The following ADGRF5 variants were observed in gnomAD, a reference collection of about 807,000 sequenced individuals.
ADGRF5 encodes adhesion G protein-coupled receptor F5.
A neutral mutation model predicts 132.3 loss-of-function variants in ADGRF5; 75 were observed. The observed-to-expected ratio is 0.57, with a 90% CI of 0.47 to 0.69. ADGRF5 has a LOEUF of 0.69. ADGRF5 is among the 30% of genes least tolerant of loss of function. ADGRF5 has a pLI of 0.00. For missense variants in ADGRF5, 1,516 were observed against 1,630.6 expected, an observed-to-expected ratio of 0.93 and a Z score of 1.21; for synonymous variants, 629 against 597.6, an observed-to-expected ratio of 1.05 and a Z score of -0.77.
At chr6:46,919,245 G>A (rs1159453743) in intron 1 of ADGRF5, among the ~76,000 whole-genome samples, 1 of 152,088 alleles carries the variant, frequency 6.6e-6, no homozygotes, top group African/African-American at 2.4e-5. Context: ...TAAAAAAAAT[G>A]GGGCTGCAAA....
At chr6:46,906,885 A>T in intron 1 of ADGRF5, 99 bp from the exon 2 acceptor site, 1 of 676,320 alleles carries the variant, frequency 1.5e-6, no homozygotes, top group Non-Finnish European at 2.7e-6. Context: ...CCTACACAAG[A>T]ACTTTTCAAA....
At position 46,852,749 on chromosome 6, in the gene ADGRF5, A is replaced by C. The variant is rs558695935; in HGVS notation, c.*1243T>G. The C allele has an allele frequency of 1.0e-3, 156 of 151,442 alleles. 1 individual carries two copies. Among genetic ancestry groups the C allele is most frequent in the African/African-American group, 3.7e-3 (150 of 40,730 alleles). 9.4% of individuals were successfully genotyped at this position (151,442 alleles called of 1,614,324 possible). On this transcript the variant is annotated 3_prime_UTR_variant, in exon 21 of 21. Coordinates refer to ENST00000283296, the MANE Select transcript of ADGRF5 (RefSeq NM_001098518.2). ...AGGAGCACAGAACAACCGAATGTAA[A>C]ATTTCTTTCCAGGAGCTTTCCACGT...
intron 2 of ADGRF5, among the ~76,000 whole-genome samples, chr6:46,901,824 G>A (rs1267345827): frequency 6.6e-6 from 1 of 152,042 alleles, no homozygotes; most frequent in Non-Finnish European, 1.5e-5. Context: ...CCTTTCCAGT[G>A]AACAGTTCCC....
chr6:46,876,452 G>C (rs1006007077), intron 10 of ADGRF5, among the ~76,000 whole-genome samples: 15 of 152,178 alleles, frequency 9.9e-5, no homozygotes. Flanking sequence ...TTAGAAATCA[G>C]GGAAGTGACT....
chr6:46,876,186 C>G (rs1295103247), intron 10 of ADGRF5, among the ~76,000 whole-genome samples: 2 of 152,324 alleles, frequency 1.3e-5, no homozygotes, highest in South Asian at 4.1e-4. Context: ...GGGCAGGGTG[C>G]CAAGGCAGAG....
In ADGRF5 at chr6:46,865,034, G is replaced by T. The variant is rs559616732; in HGVS notation, c.1990+8C>A. 3 of 1,580,622 alleles carry T rather than the reference G, an allele frequency of 1.9e-6. No individual in the cohort carries two copies. The highest frequency in any genetic ancestry group is 1.7e-4 in the Middle Eastern group (1 of 5,934). On this transcript the variant is annotated splice_region_variant and intron_variant, in intron 14 of 20. Transcript: ENST00000283296. ...ATAACATCTTAAAGTAATTTAAAAC[G>T]TTCTTACCAGGAACCAGATTCAGCT...
At chr6:46,865,601 T>G (rs1182064315) in intron 13 of ADGRF5, among the ~76,000 whole-genome samples, 1 of 152,260 alleles carries the variant, frequency 6.6e-6, no homozygotes, top group East Asian at 1.9e-4. Flanking sequence ...CTTGTCTTAT[T>G]TATCTTTCCA....
chr6:46,926,065 T>C (rs1777228758), upstream of ADGRF5, among the ~76,000 whole-genome samples: 1 of 152,188 alleles, frequency 6.6e-6, no homozygotes, highest in South Asian at 2.1e-4. Context: ...TGGCAAATAA[T>C]CGGGCAGTTT....
Position 46,862,960 on chromosome 6 carries a change from T to C in ADGRF5, c.2127A>G (p.Val709=). Residue 709 remains valine (V), a synonymous_variant, in exon 15 of 21, where the codon GTA becomes GTG. Transcript: ENST00000283296. ...PIGGTITYKC[V]GSQWEEKRND... ...TTCTCTTCTCCTCCCACTGGGAGCC[T>C]ACACATTTGTAAGTGATGGTCCCGC... 6.2e-7 allele frequency: 1 copy of C among 1,613,418 alleles called. No homozygotes were observed. Among genetic ancestry groups the C allele is most frequent in the Non-Finnish European group, 8.5e-7 (1 of 1,179,562 alleles).
chr6:46,882,628 C>T (rs1021068756), intron 6 of ADGRF5, among the ~76,000 whole-genome samples: 1 of 152,186 alleles, frequency 6.6e-6, no homozygotes, highest in South Asian at 2.1e-4. Flanking sequence ...CTCATGGCTG[C>T]CATACTGCAG....
At chr6:46,868,752 T>C (rs778754297) in intron 12 of ADGRF5, 131 bp downstream of exon 12, 2 of 640,234 alleles carry the variant, frequency 3.1e-6, no homozygotes, top group Admixed American at 2.6e-5. Flanking sequence ...TTGCGTTAAG[T>C]GTGAAGACAT....
chr6:46,899,480 C>T (rs62401769), intron 3 of ADGRF5, among the ~76,000 whole-genome samples: 3,641 of 152,108 alleles, frequency 0.024, 73 homozygotes, highest in Non-Finnish European at 0.04. Context: ...ATTTGAGGGT[C>T]GGTGTTTCAG....
At chr6:46,944,968 G>A (rs1397948927) in intron 1 of ADGRF5, among the ~76,000 whole-genome samples, 2 of 152,202 alleles carry the variant, frequency 1.3e-5, no homozygotes, top group Non-Finnish European at 2.9e-5. Flanking sequence ...AGACAGGTCA[G>A]TAAATCAATC....
At chr6:46,927,266 A>G (rs1777298853) in intron 1 of ADGRF5, among the ~76,000 whole-genome samples, 1 of 148,978 alleles carries the variant, frequency 6.7e-6, no homozygotes, top group Non-Finnish European at 1.5e-5. Flanking sequence ...CCAGGAGAAA[A>G]TCAGAATAAA....
chr6:46,920,551 T>G, intron 1 of ADGRF5, among the ~76,000 whole-genome samples: 40 of 130,740 alleles, frequency 3.1e-4, no homozygotes, highest in African/African-American at 3.3e-4. Flanking sequence ...GAGTGTATAT[T>G]GGGGGTGCAA....
At chr6:46,920,818 G>A (rs1319960117) in intron 1 of ADGRF5, among the ~76,000 whole-genome samples, 4 of 151,976 alleles carry the variant, frequency 2.6e-5, no homozygotes, top group South Asian at 2.1e-4. Context: ...AACCAAGATC[G>A]TGCCACTGCA....
Position 46,858,265 on chromosome 6 carries a change from C to T in ADGRF5, c.3638G>A (p.Ser1213Asn). Reference sequence around the variant, plus strand: ...AATGCTCTTGCTGATCTGAAACAGGCTGCTCTTCTCCTGCTTGCATGGCTT... The same window carrying T: ...AATGCTCTTGCTGATCTGAAACAGGTTGCTCTTCTCCTGCTTGCATGGCTT... Reference protein sequence around the residue: ...GDKPCKQEKSSLFQISKSIGV... With the variant: ...GDKPCKQEKSNLFQISKSIGV... Residue 1213 changes from serine to asparagine, a missense_variant, in exon 17 of 21, where the codon AGC (serine) becomes AAC (asparagine). This residue lies in a region of ADGRF5 where 571 missense variants were observed against 701.2 expected (regional missense o/e 0.81). Coordinates refer to ENST00000283296, the MANE Select transcript of ADGRF5 (RefSeq NM_001098518.2). 1.2e-6 allele frequency: 2 copies of T among 1,614,060 alleles called. No homozygotes were observed. The highest frequency in any genetic ancestry group is 1.7e-6 in the Non-Finnish European group (2 of 1,180,016).
chr6:46,919,191 T>A (rs1036878490), intron 1 of ADGRF5, among the ~76,000 whole-genome samples: 7 of 152,182 alleles, frequency 4.6e-5, no homozygotes, highest in Non-Finnish European at 1.0e-4. Context: ...GCCAATCGCA[T>A]CAATTCTCTA....
At chr6:46,863,148 AGTAGAAATACG>A in intron 14 of ADGRF5, 52 bp from the exon 15 acceptor site, 1 of 1,339,750 alleles carries the variant, frequency 7.5e-7, no homozygotes. Flanking sequence ...GAGACAATAT[AGTAGAAATACG>A]GTCAGGCCAA....
Sources: allele counts gnomAD v4.1 joint callset (sites outside exome capture counted in the v4.1 genomes callset), GRCh38; gene constraint gnomAD v4.1.1; regional missense constraint gnomAD v4.1.1; transcripts MANE v1.5; gene names NCBI Gene and HGNC (gene_info 2026-07-23, HGNC 2026-07-21).